The following CYRIB variants were observed in gnomAD, a reference collection of about 807,000 sequenced individuals.
CYRIB encodes CYFIP-related Rac1 interactor B.
CYRIB carries 8 observed loss-of-function variants against 44.2 expected under a neutral mutation model. That is an observed-to-expected ratio of 0.18 (90% CI 0.11 to 0.33). CYRIB has a LOEUF of 0.33. Ranked by LOEUF, CYRIB falls within the 10% of genes least tolerant of loss-of-function variation. The pLI, the probability that CYRIB is intolerant of heterozygous loss-of-function variation, is 1.00. For synonymous variants in CYRIB, 131 were observed against 127.2 expected (o/e 1.03, Z -0.20); for missense variants, 185 against 382.8 (o/e 0.48, Z 4.31).
At chr8:129,855,416 C>T (rs1395578575) in intron 6 of CYRIB, among the ~76,000 whole-genome samples, 195 bp downstream of exon 8, 11 of 151,744 alleles carry the variant, frequency 7.2e-5, no homozygotes, top group Non-Finnish European at 1.5e-4. Flanking sequence ...AGATTGAGAC[C>T]GAATACTCAG....
chr8:129,902,586 G>C (rs2072836456), intron 2 of CYRIB, among the ~76,000 whole-genome samples: 1 of 152,088 alleles, frequency 6.6e-6, no homozygotes, highest in African/African-American at 2.4e-5. Flanking sequence ...ATGCAATCTT[G>C]GCTCACTGCG....
chr8:129,942,553 A>G (rs1208718526), upstream of CYRIB, among the ~76,000 whole-genome samples: 1 of 152,232 alleles, frequency 6.6e-6, no homozygotes, highest in East Asian at 1.9e-4. Context: ...TTATTCTTCT[A>G]TAATCCTTTC....
intron 1 of CYRIB, among the ~76,000 whole-genome samples, chr8:130,006,458 A>G (rs1055606321): frequency 2.1e-5 from 3 of 142,422 alleles, no homozygotes; most frequent in Non-Finnish European, 4.5e-5. Context: ...CTCAAAAAAT[A>G]AAATAAAATA....
intron 2 of CYRIB, among the ~76,000 whole-genome samples, chr8:129,956,933 G>A (rs938038413): frequency 1.4e-4 from 21 of 150,290 alleles, no homozygotes; most frequent in African/African-American, 4.4e-4. Context: ...TGACCTCCAG[G>A]GCTCCAGTGA....
At chr8:129,975,960 T>A (rs951384189) in intron 1 of CYRIB, among the ~76,000 whole-genome samples, 1 of 152,140 alleles carries the variant, frequency 6.6e-6, no homozygotes, top group Non-Finnish European at 1.5e-5. Flanking sequence ...CAGGCTAAGA[T>A]AACTCATTAG....
At chr8:129,846,999 T>A in intron 10 of CYRIB, 125 bp from the exon 13 acceptor site, 1 of 565,968 alleles carries the variant, frequency 1.8e-6, no homozygotes, top group East Asian at 3.2e-5. Context: ...TATGTCAAAT[T>A]AATTATTCTT....
intron 1 of CYRIB, among the ~76,000 whole-genome samples, chr8:129,977,679 C>G (rs1410587613): frequency 1.5e-4 from 23 of 152,126 alleles, no homozygotes; most frequent in African/African-American, 5.1e-4. Flanking sequence ...CTACAGGCGC[C>G]CGCCACCACG....
At chr8:129,989,640 C>CTT (rs545615460) in intron 1 of CYRIB, among the ~76,000 whole-genome samples, 24 of 136,772 alleles carry the variant, frequency 1.8e-4, no homozygotes, top group Admixed American at 4.4e-4. Context: ...GATGCCCTTT[C>CTT]TTTTTTTTTT....
chr8:129,899,331 T>A (rs1231402956), intron 2 of CYRIB, among the ~76,000 whole-genome samples: 1 of 152,168 alleles, frequency 6.6e-6, no homozygotes, highest in Non-Finnish European at 1.5e-5. Flanking sequence ...CAAAAGCTGG[T>A]TTGTTTTATT....
intron 1 of CYRIB, among the ~76,000 whole-genome samples, chr8:129,938,941 T>C (rs2093295347): frequency 6.6e-6 from 1 of 152,158 alleles, no homozygotes; most frequent in Non-Finnish European, 1.5e-5. Flanking sequence ...TAGTAGAAAT[T>C]GCGCGTTTGG....
intron 2 of CYRIB, among the ~76,000 whole-genome samples, chr8:129,952,131 C>T (rs1040715693): frequency 5.3e-5 from 8 of 152,222 alleles, no homozygotes; most frequent in African/African-American, 1.9e-4. Context: ...CCGCAACCTC[C>T]ACCTCCCAGG....
chr8:129,979,999 C>A (rs1431408958), intron 1 of CYRIB, among the ~76,000 whole-genome samples: 1 of 151,988 alleles, frequency 6.6e-6, no homozygotes, highest in African/African-American at 2.4e-5. Flanking sequence ...TCTTCCAGAA[C>A]CAATTCTGAT....
chr8:129,857,168 T>C (rs1432961970), intron 5 of CYRIB, among the ~76,000 whole-genome samples: 3 of 151,960 alleles, frequency 2.0e-5, no homozygotes, highest in African/African-American at 7.3e-5. Context: ...ACTGGGAAAA[T>C]GGATGTAGAC....
chr8:129,904,049 G>A (rs116940272), intron 1 of CYRIB, among the ~76,000 whole-genome samples: 2,700 of 152,182 alleles, frequency 0.018, 33 homozygotes, highest in Middle Eastern at 0.071. Context: ...CCACCATGCC[G>A]GGCTTGGTTT....
chr8:130,006,607 C>CACATATATATGTGTGTATATAT lies in CYRIB; in HGVS notation c.-296+9762_-296+9763insATATATACACACATATATATGT, dbSNP rs1359122569. Among the ~76,000 whole-genome samples, 4 of 7,120 alleles carry CACATATATATGTGTGTATATAT rather than the reference C, an allele frequency of 5.6e-4. 1 individual carries two copies. The highest frequency in any genetic ancestry group is 1.6e-3 in the African/African-American group (4 of 2,444). 4.7% of individuals were successfully genotyped at this position (7,120 alleles called of 152,430 possible). On this transcript the variant is annotated intron_variant, in intron 1 of 14. Transcript: ENST00000401979. ...TAAAAACACAAATTATATATATATA[C>CACATATATATGTGTGTATATAT]ATATATATGTGTATATATATACATA...
intron 2 of CYRIB, among the ~76,000 whole-genome samples, chr8:129,888,793 C>T (rs2063820074): frequency 6.6e-6 from 1 of 152,080 alleles, no homozygotes; most frequent in East Asian, 1.9e-4. Context: ...TGAAAAAATA[C>T]ATGATTAAAA....
intron 1 of CYRIB, among the ~76,000 whole-genome samples, chr8:129,907,363 G>A (rs2075932612): frequency 6.6e-6 from 1 of 151,836 alleles, no homozygotes; most frequent in South Asian, 2.1e-4. Context: ...ACCAAACACT[G>A]CATGTTCTCA....
intron 4 of CYRIB, among the ~76,000 whole-genome samples, chr8:129,870,775 C>T (rs888119915): frequency 1.3e-5 from 2 of 151,790 alleles, no homozygotes; most frequent in Non-Finnish European, 2.9e-5. Context: ...TAGTTCTGGA[C>T]ACCTAAACAT....
chr8:129,913,904 C>A (rs1224906868), intron 1 of CYRIB, among the ~76,000 whole-genome samples: 1 of 152,178 alleles, frequency 6.6e-6, no homozygotes, highest in African/African-American at 2.4e-5. Flanking sequence ...TACACTTTTT[C>A]TAAAATGTCT....
Sources: allele counts gnomAD v4.1 joint callset (sites outside exome capture counted in the v4.1 genomes callset), GRCh38; gene constraint gnomAD v4.1.1; transcripts MANE v1.5; gene names NCBI Gene and HGNC (gene_info 2026-07-23, HGNC 2026-07-21).